CAMTA1: variants seen among roughly 807,000 people sequenced by gnomAD.
The protein encoded by CAMTA1 is calmodulin-binding transcription activator 1.
In CAMTA1, 27 loss-of-function variants were observed where a neutral mutation model predicts 170.9. That is an observed-to-expected ratio of 0.16 (90% CI 0.12 to 0.22). The LOEUF (loss-of-function observed/expected upper bound fraction) is 0.22. CAMTA1 is among the 10% of genes least tolerant of loss of function. The pLI is 1.00. For synonymous variants in CAMTA1, 833 were observed against 891.5 expected, an observed-to-expected ratio of 0.93 and a Z score of 1.17; for missense variants, 1,619 against 2,217.2, an observed-to-expected ratio of 0.73 and a Z score of 5.42.
chr1:7,729,124 C>T (rs1986198), intron 11 of CAMTA1, among the ~76,000 whole-genome samples: 25,742 of 119,344 alleles, frequency 0.22, 2,552 homozygotes, highest in South Asian at 0.33. Flanking sequence ...CTTTTTTTTT[C>T]TTTTTTTTTT....
chr1:7,371,903 ATCTGAGATCTAGGAAGGT>A (rs762999699), intron 5 of CAMTA1, among the ~76,000 whole-genome samples: 7 of 152,212 alleles, frequency 4.6e-5, no homozygotes, highest in Non-Finnish European at 1.0e-4. Context: ...ATCTGATGAC[ATCTGAGATCTAGGAAGGT>A]TCTGCATCAT....
rs555176965 is a variant in CAMTA1 at position 7,441,772 on chromosome 1, G to A, written c.439-26058G>A. 9.2e-5 allele frequency among the ~76,000 whole-genome samples: 14 copies of A among 152,228 alleles called. No homozygotes were observed. In the East Asian group the frequency reaches 1.5e-3, roughly 17 times the overall value. Reference sequence around the variant, plus strand: ...AGGAAGCTACTCAGTGTGCTTGTTCGTCTCGCTCATTAATTGGGCACAAAG... The same window carrying A: ...AGGAAGCTACTCAGTGTGCTTGTTCATCTCGCTCATTAATTGGGCACAAAG... On this transcript the variant is annotated intron_variant, in intron 5 of 22. Transcript: ENST00000303635.
intron 3 of CAMTA1, among the ~76,000 whole-genome samples, chr1:6,844,098 ACT>A (rs1040206875): frequency 1.5e-4 from 23 of 152,218 alleles, no homozygotes; most frequent in African/African-American, 5.5e-4. Flanking sequence ...GAAGTGAGTA[ACT>A]CTCACAAACA....
chr1:7,728,966 A>G (rs1201074585), intron 11 of CAMTA1, among the ~76,000 whole-genome samples: 1 of 152,176 alleles, frequency 6.6e-6, no homozygotes, highest in Non-Finnish European at 1.5e-5. Context: ...TGAGACACTT[A>G]GTGGCAGGAT....
At chr1:7,417,124 C>A (rs550952497) in intron 5 of CAMTA1, among the ~76,000 whole-genome samples, 1 of 152,230 alleles carries the variant, frequency 6.6e-6, no homozygotes, top group Non-Finnish European at 1.5e-5. Context: ...GCTGCCTGAT[C>A]GTTCCTCTGG....
At chr1:7,385,641 G>A (rs933403304) in intron 5 of CAMTA1, among the ~76,000 whole-genome samples, 23 of 152,114 alleles carry the variant, frequency 1.5e-4, no homozygotes, top group African/African-American at 5.3e-4. Context: ...GAAAAAATGA[G>A]GCTGCAGAGG....
chr1:7,235,303 G>A (rs567840296), intron 4 of CAMTA1, among the ~76,000 whole-genome samples: 1 of 152,244 alleles, frequency 6.6e-6, no homozygotes, highest in Non-Finnish European at 1.5e-5. Context: ...CTAGCTACAG[G>A]ATAGTGCCAT....
chr1:6,909,789 T>TG (rs1222714898), intron 3 of CAMTA1, among the ~76,000 whole-genome samples: 1 of 152,212 alleles, frequency 6.6e-6, no homozygotes, highest in East Asian at 1.9e-4. Context: ...CAAAAAGACT[T>TG]GGGGAAAAGA....
chr1:7,135,795 T>C (rs746631402), intron 4 of CAMTA1, among the ~76,000 whole-genome samples: 1 of 152,126 alleles, frequency 6.6e-6, no homozygotes, highest in Admixed American at 6.5e-5. Context: ...TTCATGATGG[T>C]TTTTAATATC....
Position 7,224,461 on chromosome 1 carries a change from C to T in CAMTA1, c.303-25030C>T, listed in dbSNP as rs371292059. Among the ~76,000 whole-genome samples the T allele has an allele frequency of 9.2e-5, 14 of 152,290 alleles. No homozygotes were observed. Among genetic ancestry groups the T allele is most frequent in the South Asian group, 6.2e-4 (3 of 4,822 alleles). Reference sequence around the variant, plus strand: ...TCTGAGAAGGTTTTCATGTTCCCAACGAGATCCAAGAGCAAAACAGTTTTC... The same window carrying T: ...TCTGAGAAGGTTTTCATGTTCCCAATGAGATCCAAGAGCAAAACAGTTTTC... On this transcript the variant is annotated intron_variant, in intron 4 of 22. Transcript: ENST00000303635. The surrounding 1 kb of genome is among the most constrained non-coding windows in gnomAD (Gnocchi z 5.2).
At chr1:7,488,341 C>A (rs539458974) in intron 6 of CAMTA1, among the ~76,000 whole-genome samples, 9 of 152,080 alleles carry the variant, frequency 5.9e-5, no homozygotes, top group Non-Finnish European at 1.5e-5. Flanking sequence ...TGGCTCCAGA[C>A]CCTGGTGTCT....
intron 5 of CAMTA1, among the ~76,000 whole-genome samples, chr1:7,462,177 G>A (rs2093106312): frequency 6.6e-6 from 1 of 152,238 alleles, no homozygotes; most frequent in Non-Finnish European, 1.5e-5. Context: ...GCCCAGGCTG[G>A]AGTGCAATGG....
chr1:7,343,347 TC>T (rs2083979962), intron 5 of CAMTA1, among the ~76,000 whole-genome samples: 1 of 152,172 alleles, frequency 6.6e-6, no homozygotes, highest in Admixed American at 6.5e-5. Context: ...AACATCACTC[TC>T]CATCATTCAA....
At chr1:7,296,846 C>T (rs1674027689) in intron 5 of CAMTA1, among the ~76,000 whole-genome samples, 1 of 151,722 alleles carries the variant, frequency 6.6e-6, no homozygotes, top group Non-Finnish European at 1.5e-5. Flanking sequence ...GAGAAAATGA[C>T]TAAAGACTTA....
rs545139541 is a variant in CAMTA1, at chr1:7,107,119, G to A, written c.302+15748G>A. ...TTATTGAGTGCCTGCTGCGTGCATA[G>A]GTTTGTAGTAGGCACTGTGGGGTTA... On this transcript the variant is annotated intron_variant, in intron 4 of 22. Transcript: ENST00000303635. Among the ~76,000 whole-genome samples, 3 of 152,184 alleles carry A rather than the reference G, an allele frequency of 2.0e-5. No homozygotes were observed. In the South Asian group the frequency reaches 6.2e-4, roughly 32 times the overall value.
intron 6 of CAMTA1, among the ~76,000 whole-genome samples, chr1:7,597,640 G>T (rs554856133): frequency 1.3e-5 from 2 of 152,064 alleles, no homozygotes; most frequent in South Asian, 2.1e-4. Flanking sequence ...AGGTCAACGG[G>T]CTGGAGACCA....
intron 3 of CAMTA1, among the ~76,000 whole-genome samples, chr1:6,866,717 G>A (rs1164344375): frequency 6.6e-6 from 1 of 152,162 alleles, no homozygotes; most frequent in Non-Finnish European, 1.5e-5. Context: ...ATTTCAGATA[G>A]TCTCTTTTTA....
At chr1:7,415,749 G>T (rs983435515) in intron 5 of CAMTA1, among the ~76,000 whole-genome samples, 1 of 152,130 alleles carries the variant, frequency 6.6e-6, no homozygotes, top group African/African-American at 2.4e-5. Context: ...GGAGCATTTA[G>T]CCCATTTACA....
chr1:7,098,128 C>T lies in CAMTA1; in HGVS notation c.302+6757C>T, dbSNP rs936478849. 1.4e-4 allele frequency among the ~76,000 whole-genome samples: 21 copies of T among 151,322 alleles called. No individual in the cohort carries two copies. The South Asian group carries it at 2.3e-3, about 17-fold the overall frequency. On this transcript the variant is annotated intron_variant, in intron 4 of 22. Coordinates refer to ENST00000303635, the MANE Select transcript of CAMTA1 (RefSeq NM_015215.4). ...GTGTGTGTGTGTGTGTGTGCACGTG[C>T]GCGTGCGTGCGCATGCGTGTGTGTG...
Sources: gnomAD v4.1 joint callset for allele counts (sites outside exome capture counted in the v4.1 genomes callset) on GRCh38, gnomAD v4.1.1 for gene constraint, Gnocchi (gnomAD v3.1) non-coding constraint, MANE v1.5 for transcripts, NCBI Gene and HGNC (gene_info 2026-07-23, HGNC 2026-07-21) for gene names.